TSHZ2: variants seen among roughly 807,000 people sequenced by gnomAD.
TSHZ2 encodes the protein teashirt zinc finger homeobox 2, also known as teashirt homolog 2.
In TSHZ2, 21 loss-of-function variants were observed where a neutral mutation model predicts 74.4. The ratio of observed to expected loss-of-function variants is 0.28; its 90% CI spans 0.20 to 0.41. TSHZ2 has a LOEUF of 0.41. TSHZ2 is among the 10% of genes least tolerant of loss of function. The pLI is 1.00. For synonymous variants in TSHZ2, 540 were observed against 515.3 expected, an observed-to-expected ratio of 1.05 and a Z score of -0.65; for missense variants, 1,244 against 1,293.5, an observed-to-expected ratio of 0.96 and a Z score of 0.59.
At chr20:53,335,452 G>T (rs1158844327) in intron 2 of TSHZ2, among the ~76,000 whole-genome samples, 1 of 152,216 alleles carries the variant, frequency 6.6e-6, no homozygotes, top group East Asian at 1.9e-4. Flanking sequence ...AGTCCTTTCT[G>T]TTCCTCTCTG....
chr20:52,979,006 A>G (rs972423627), intron 1 of TSHZ2, among the ~76,000 whole-genome samples: 1 of 152,048 alleles, frequency 6.6e-6, no homozygotes, highest in Non-Finnish European at 1.5e-5. Flanking sequence ...AAATTCTCAC[A>G]TTCCTTAGGG....
chr20:53,398,500 C>T (rs930994919), intron 2 of TSHZ2: 1 of 152,232 alleles, frequency 6.6e-6, no homozygotes, highest in Non-Finnish European at 1.5e-5. Flanking sequence ...CCTGTACTCC[C>T]ATCATCTTGG....
chr20:53,337,112 G>T (rs1173045614), intron 2 of TSHZ2, among the ~76,000 whole-genome samples: 1 of 152,178 alleles, frequency 6.6e-6, no homozygotes, highest in African/African-American at 2.4e-5. Context: ...CCAGCAAGGT[G>T]GAAGCTCACA....
intron 2 of TSHZ2, among the ~76,000 whole-genome samples, chr20:53,348,391 A>G (rs967524369): frequency 1.3e-5 from 2 of 152,226 alleles, no homozygotes; most frequent in Admixed American, 6.5e-5. Flanking sequence ...ACTGCCTGGC[A>G]TGTAGTAGGT....
At chr20:53,081,858 AGACT>A (rs918128945) in intron 1 of TSHZ2, among the ~76,000 whole-genome samples, 9 of 151,758 alleles carry the variant, frequency 5.9e-5, no homozygotes, top group Non-Finnish European at 1.3e-4. Context: ...ACCTTATATT[AGACT>A]GACTGTACGT....
rs1984311358 is a variant in TSHZ2 at position 53,441,270 on chromosome 20, AT to A, written c.*9-45870del. 7.6e-3 allele frequency among the ~76,000 whole-genome samples: 781 copies of A among 102,520 alleles called. 13 individuals carry two copies. The highest frequency in any genetic ancestry group is 0.029 in the African/African-American group (716 of 24,858). The allele number at this position is 102,520 out of a possible 152,430, so 67.3% of individuals were successfully genotyped here. A position where few individuals can be genotyped will look rare whatever the true frequency, so the allele number is the denominator to read the frequency against. ...ATTTTATTTTATTTTATTTTATTTT[AT>A]TTTATTTATTTTGAGATGGAGTCTC... On this transcript the variant is annotated intron_variant, in intron 2 of 2. Transcript: ENST00000371497.
At chr20:53,168,450 A>G (rs965364204) in intron 1 of TSHZ2, among the ~76,000 whole-genome samples, 2 of 152,198 alleles carry the variant, frequency 1.3e-5, no homozygotes, top group Non-Finnish European at 2.9e-5. Flanking sequence ...AAATATACCA[A>G]TCCTGAAGCT....
intron 2 of TSHZ2, among the ~76,000 whole-genome samples, chr20:53,453,262 A>T (rs534498720): frequency 6.6e-6 from 1 of 152,346 alleles, no homozygotes; most frequent in East Asian, 1.9e-4. Context: ...AATATCTTCC[A>T]GGGAGGGCAG....
intron 2 of TSHZ2, among the ~76,000 whole-genome samples, chr20:53,427,933 G>C (rs1041881634): frequency 3.9e-5 from 6 of 152,186 alleles, no homozygotes; most frequent in African/African-American, 7.2e-5. Context: ...CATGGAGGGG[G>C]ACATGGGCGA....
chr20:53,186,252 A>G (rs549362810), intron 1 of TSHZ2, among the ~76,000 whole-genome samples: 2 of 152,308 alleles, frequency 1.3e-5, no homozygotes, highest in East Asian at 3.9e-4. Flanking sequence ...TACCATTACA[A>G]TCATCAAATG....
intron 2 of TSHZ2, among the ~76,000 whole-genome samples, chr20:53,422,671 G>A (rs1983520189): frequency 1.3e-5 from 2 of 152,068 alleles, no homozygotes; most frequent in East Asian, 3.9e-4. Flanking sequence ...ACCTGCACAG[G>A]ATTGCTTTTC....
At chr20:53,206,709 C>A (rs1368498950) in intron 1 of TSHZ2, 1 of 152,172 alleles carries the variant, frequency 6.6e-6, no homozygotes, top group African/African-American at 2.4e-5. Flanking sequence ...GAGCACGAGA[C>A]CTTGGGATTT....
intron 1 of TSHZ2, among the ~76,000 whole-genome samples, chr20:52,995,611 CTTTTTT>C (rs11469115): frequency 6.4e-4 from 87 of 136,078 alleles, no homozygotes; most frequent in Non-Finnish European, 6.9e-4. Context: ...TTTTTCTTTC[CTTTTTT>C]TTTTTTTTTT....
At chr20:53,401,974 G>T (rs771113202) in intron 2 of TSHZ2, among the ~76,000 whole-genome samples, 5 of 151,802 alleles carry the variant, frequency 3.3e-5, no homozygotes, top group Non-Finnish European at 7.4e-5. Flanking sequence ...TAGTACAGAT[G>T]GGGTTTCATC....
At chr20:53,200,225 C>G (rs796329417) in intron 1 of TSHZ2, among the ~76,000 whole-genome samples, 7 of 152,100 alleles carry the variant, frequency 4.6e-5, no homozygotes, top group Admixed American at 4.6e-4. Flanking sequence ...GGGAACTTGC[C>G]ATCTTGCCTC....
chr20:53,025,482 C>T (rs532374202), intron 1 of TSHZ2, among the ~76,000 whole-genome samples: 16 of 152,258 alleles, frequency 1.1e-4, no homozygotes, highest in African/African-American at 3.6e-4. Flanking sequence ...TGCATAGGCA[C>T]ATTGAAGCTG....
intron 2 of TSHZ2, among the ~76,000 whole-genome samples, chr20:53,482,053 G>C (rs887158094): frequency 3.6e-5 from 5 of 137,976 alleles, no homozygotes; most frequent in African/African-American, 1.3e-4. Flanking sequence ...GCAGTGAGTC[G>C]AGATATCGTG....
rs1368192791 is a variant in TSHZ2, at chr20:53,436,539, A to ATTTT, written c.*9-50603_*9-50602insTTTT. Among the ~76,000 whole-genome samples the ATTTT allele has an allele frequency of 2.6e-3, 231 of 89,864 alleles. 4 individuals carry two copies. Among genetic ancestry groups the ATTTT allele is most frequent in the East Asian group, 4.5e-3 (11 of 2,468 alleles). The allele number at this position is 89,864 out of a possible 152,430, so 59.0% of individuals were successfully genotyped here. ...ATTTTATTTATTTATTATTATTATT[A>ATTTT]TTATTATTATTTTTTTTTTTTTTTT... is the stretch of plus-strand genomic sequence containing the variant. On this transcript the variant is annotated intron_variant, in intron 2 of 2. Transcript: ENST00000371497.
chr20:53,239,922 G>T (rs1003695151), intron 1 of TSHZ2, among the ~76,000 whole-genome samples: 2 of 151,996 alleles, frequency 1.3e-5, no homozygotes, highest in Admixed American at 1.3e-4. Context: ...TAAAATGTGC[G>T]CATACAAATT....
Sources: gnomAD v4.1 joint callset for allele counts (sites outside exome capture counted in the v4.1 genomes callset) on GRCh38, gnomAD v4.1.1 for gene constraint, MANE v1.5 for transcripts, NCBI Gene and HGNC (gene_info 2026-07-23, HGNC 2026-07-21) for gene names.